FHIT: variants seen among roughly 807,000 people sequenced by gnomAD.
FHIT encodes the protein bis(5'-adenosyl)-triphosphatase.
Under a neutral mutation model 17.9 loss-of-function variants are expected in FHIT, and 19 were observed. That is an observed-to-expected ratio of 1.06 (90% CI 0.74 to 1.56). The LOEUF is 1.56. FHIT is among the 40% of genes most tolerant of loss of function. The pLI, the probability that FHIT is intolerant of heterozygous loss-of-function variation, is 0.00. For synonymous variants in FHIT, 81 were observed against 69.7 expected (o/e 1.16, Z -0.81); for missense variants, 248 against 189.2 (o/e 1.31, Z -1.82).
chr3:60,425,040 T>C (rs1702612075), intron 5 of FHIT, among the ~76,000 whole-genome samples: 1 of 152,038 alleles, frequency 6.6e-6, no homozygotes. Context: ...GAGACACAGG[T>C]AGGCAAGTAA....
At chr3:60,952,058 C>T (rs1226294841) in intron 3 of FHIT, among the ~76,000 whole-genome samples, 5 of 151,666 alleles carry the variant, frequency 3.3e-5, no homozygotes, top group African/African-American at 7.3e-5. Context: ...CCCAGCTACT[C>T]GGGAGGCTGA....
chr3:60,099,942 T>A (rs940294892), intron 5 of FHIT, among the ~76,000 whole-genome samples: 1 of 152,216 alleles, frequency 6.6e-6, no homozygotes, highest in African/African-American at 2.4e-5. Context: ...CTTCACACAG[T>A]AGAAGTGCTC....
At chr3:60,155,200 G>C (rs1239887899) in intron 5 of FHIT, among the ~76,000 whole-genome samples, 1 of 149,850 alleles carries the variant, frequency 6.7e-6, no homozygotes, top group African/African-American at 2.5e-5. Context: ...AAGTCACAGA[G>C]CTGGTGCCAT....
At chr3:59,758,132 T>G (rs1701313598) in intron 8 of FHIT, among the ~76,000 whole-genome samples, 1 of 152,194 alleles carries the variant, frequency 6.6e-6, no homozygotes, top group African/African-American at 2.4e-5. Context: ...GGTCTGAGAT[T>G]GACTTTTAAA....
At chr3:60,293,734 G>C (rs1708087761) in intron 5 of FHIT, among the ~76,000 whole-genome samples, 1 of 152,034 alleles carries the variant, frequency 6.6e-6, no homozygotes, top group African/African-American at 2.4e-5. Context: ...AGTGCCCACT[G>C]GACAAAACCA....
chr3:60,539,981 A>G lies in FHIT; in HGVS notation c.-17-3002T>C, dbSNP rs1014341400. Among the ~76,000 whole-genome samples the G allele has an allele frequency of 6.6e-5, 10 of 150,842 alleles. No homozygotes were observed. In the South Asian group the frequency reaches 1.7e-3, roughly 25 times the overall value. On this transcript the variant is annotated intron_variant, in intron 4 of 9. Coordinates refer to ENST00000492590, the MANE Select transcript of FHIT (RefSeq NM_002012.4). ...TAAATAAAATAAAATAAATTAAATTAAAATAAAAAAGAAGAACCAAAGCAG... is the reference window on the plus strand; with the variant it reads ...TAAATAAAATAAAATAAATTAAATTGAAATAAAAAAGAAGAACCAAAGCAG...
chr3:60,130,060 A>G (rs1413795635), intron 5 of FHIT, among the ~76,000 whole-genome samples: 1 of 152,134 alleles, frequency 6.6e-6, no homozygotes, highest in Non-Finnish European at 1.5e-5. Flanking sequence ...GTGATATGCC[A>G]TTCCTCTTCT....
At chr3:60,951,992 C>T (rs1006354903) in intron 3 of FHIT, among the ~76,000 whole-genome samples, 14 of 151,906 alleles carry the variant, frequency 9.2e-5, no homozygotes, top group African/African-American at 3.4e-4. Context: ...ATGGTGAAAC[C>T]CCATCTCTAC....
chr3:60,476,663 G>A, intron 5 of FHIT, among the ~76,000 whole-genome samples: 1 of 152,156 alleles, frequency 6.6e-6, no homozygotes, highest in East Asian at 1.9e-4. Context: ...CATGGTCAAA[G>A]TTCAAGGGCC....
intron 5 of FHIT, among the ~76,000 whole-genome samples, chr3:60,475,641 G>T (rs1412449565): frequency 6.6e-6 from 1 of 152,148 alleles, no homozygotes; most frequent in Non-Finnish European, 1.5e-5. Flanking sequence ...TCAACTTCAT[G>T]GGCCTGGGCC....
intron 5 of FHIT, among the ~76,000 whole-genome samples, chr3:60,313,449 G>A (rs573415905): frequency 6.6e-6 from 1 of 152,146 alleles, no homozygotes; most frequent in South Asian, 2.1e-4. Context: ...AGGAGTGTGA[G>A]CAGGCTAACG....
chr3:60,344,195 T>C (rs924669834), intron 5 of FHIT, among the ~76,000 whole-genome samples: 1 of 152,172 alleles, frequency 6.6e-6, no homozygotes, highest in Non-Finnish European at 1.5e-5. Flanking sequence ...ATTTTACTGA[T>C]GGGTAGCATT....
At chr3:60,372,146 G>A (rs998075482) in intron 5 of FHIT, among the ~76,000 whole-genome samples, 4 of 152,186 alleles carry the variant, frequency 2.6e-5, no homozygotes, top group Non-Finnish European at 5.9e-5. Context: ...AGTGTTGGAA[G>A]AGATGTCAGT....
intron 5 of FHIT, among the ~76,000 whole-genome samples, chr3:60,406,883 C>G (rs1701881606): frequency 6.6e-6 from 1 of 152,038 alleles, no homozygotes; most frequent in Non-Finnish European, 1.5e-5. Flanking sequence ...TGAATCTTGA[C>G]TAAAATAAAC....
intron 2 of FHIT, among the ~76,000 whole-genome samples, chr3:61,075,297 G>A (rs1324282653): frequency 1.3e-5 from 2 of 152,060 alleles, no homozygotes; most frequent in Non-Finnish European, 2.9e-5. Context: ...GAAGAGGGTG[G>A]TGGCAGGGGG....
intron 5 of FHIT, among the ~76,000 whole-genome samples, chr3:60,386,505 A>G (rs1049118393): frequency 5.3e-5 from 8 of 152,186 alleles, no homozygotes; most frequent in East Asian, 1.9e-4. Flanking sequence ...CATTGTTTCA[A>G]TAGAAACCGC....
chr3:60,951,721 ACT>A (rs140644489), intron 3 of FHIT, among the ~76,000 whole-genome samples: 14,540 of 152,136 alleles, frequency 0.096, 793 homozygotes, highest in Middle Eastern at 0.21. Flanking sequence ...TGTAAGAAAA[ACT>A]CTGGTGAGAG....
intron 2 of FHIT, among the ~76,000 whole-genome samples, chr3:61,189,132 G>C (rs2038626126): frequency 6.6e-6 from 1 of 152,204 alleles, no homozygotes; most frequent in Admixed American, 6.5e-5. Context: ...AGGAAAAGAG[G>C]AAGTCAAACT....
At chr3:60,967,974 A>G (rs1187807387) in intron 3 of FHIT, among the ~76,000 whole-genome samples, 1 of 152,248 alleles carries the variant, frequency 6.6e-6, no homozygotes, top group Admixed American at 6.5e-5. Context: ...GCCAATATGC[A>G]TGTGGAATTA....
Sources: allele counts gnomAD v4.1 joint callset (sites outside exome capture counted in the v4.1 genomes callset), GRCh38; gene constraint gnomAD v4.1.1; transcripts MANE v1.5; gene names NCBI Gene and HGNC (gene_info 2026-07-23, HGNC 2026-07-21).